Variants in CDKN2A observed in about 807,000 individuals in gnomAD.
CDKN2A encodes cyclin dependent kinase inhibitor 2A.
A neutral mutation model predicts 11.1 loss-of-function variants in CDKN2A; 3 were observed. The ratio of observed to expected loss-of-function variants is 0.27; its 90% CI spans 0.12 to 0.70. CDKN2A has a LOEUF of 0.70. Among genes scored for constraint, CDKN2A ranks in the 30% least tolerant of loss-of-function variants. CDKN2A has a pLI of 0.77. For missense variants in CDKN2A, 265 were observed against 233.6 expected (o/e 1.13, Z -0.88); for synonymous variants, 122 against 108.1 (o/e 1.13, Z -0.80).
Position 21,968,773 on chromosome 9 carries a change from T to C in CDKN2A, c.458-531A>G. ...CCCACAAATGGTTTCCGATCATTTCTGAAACAAAATGGATGCTCATTTATT... is the reference window on the plus strand; with the variant it reads ...CCCACAAATGGTTTCCGATCATTTCCGAAACAAAATGGATGCTCATTTATT... On this transcript the variant is annotated intron_variant, in intron 2 of 2. Transcript: ENST00000304494. This position sits in a 1 kb window ranked among gnomAD's most constrained non-coding sequence, Gnocchi z 4.7. The C allele has an allele frequency of 2.0e-6, 3 of 1,536,128 alleles. No individual in the cohort carries two copies. Among genetic ancestry groups the C allele is most frequent in the Non-Finnish European group, 2.6e-6 (3 of 1,146,882 alleles).
chr9:21,994,159 T>C lies in CDKN2A; in HGVS notation c.-175-106A>G. ...CCTACCTGGTCTTCTAGGAAGCGGC[T>C]GCTGCCCTAGACGCTGGCTCCTCAG... On this transcript the variant is annotated intron_variant, in intron 1 of 3. Coordinates refer to the CDKN2A transcript ENST00000494262. The C allele has an allele frequency of 6.2e-7, 1 of 1,602,626 alleles. No individual in the cohort carries two copies. The highest frequency in any genetic ancestry group is 2.2e-5 in the East Asian group (1 of 44,846).
In CDKN2A at chr9:21,985,853, AT is replaced by A. The variant is rs572227344; in HGVS notation, c.-4+8028del. Among the ~76,000 whole-genome samples the A allele has an allele frequency of 3.3e-3, 501 of 152,074 alleles. 6 individuals are homozygous for A. The highest frequency in any genetic ancestry group is 0.01 in the Middle Eastern group (3 of 294). On this transcript the variant is annotated intron_variant, in intron 2 of 3. Coordinates refer to the CDKN2A transcript ENST00000494262. The stretch of plus-strand genomic sequence containing the variant: ...ACCAGGAGTCTGAATACATAAATAT[AT>A]TTTTATTATGATATGTATATTTTTA...
At chr9:21,983,328 T>C (rs1820237687) in intron 2 of CDKN2A, among the ~76,000 whole-genome samples, 1 of 152,100 alleles carries the variant, frequency 6.6e-6, no homozygotes, top group African/African-American at 2.4e-5. Flanking sequence ...CATTTTGAAA[T>C]ACTTCTTCCT....
Position 21,988,133 on chromosome 9 carries a change from G to A in CDKN2A, c.-4+5749C>T, listed in dbSNP as rs886668506. On this transcript the variant is annotated intron_variant, in intron 2 of 3. Transcript: ENST00000494262. The surrounding 1 kb of genome is among the most constrained non-coding windows in gnomAD (Gnocchi z 4.1). ...TTTCAATTTGCTTAAGAGATTACATGTCTTTGTTCATGTAATTCTGAACCT... is the reference window on the plus strand; with the variant it reads ...TTTCAATTTGCTTAAGAGATTACATATCTTTGTTCATGTAATTCTGAACCT... Among the ~76,000 whole-genome samples, 1 of 151,900 alleles carries A rather than the reference G, an allele frequency of 6.6e-6. No individual in the cohort carries two copies. Among genetic ancestry groups the A allele is most frequent in the Non-Finnish European group, 1.5e-5 (1 of 67,924 alleles).
chr9:21,973,023 G>C (rs1401105769), intron 1 of CDKN2A, among the ~76,000 whole-genome samples: 1 of 152,070 alleles, frequency 6.6e-6, no homozygotes, highest in African/African-American at 2.4e-5. Context: ...TTTTCAAAGA[G>C]ACAAAGAGAA....
intron 1 of CDKN2A, chr9:21,994,269 C>G: frequency 1.2e-6 from 2 of 1,605,148 alleles, no homozygotes; most frequent in Non-Finnish European, 1.7e-6. Flanking sequence ...CCACGAAAAC[C>G]CTCACTCGCG....
upstream of CDKN2A, among the ~76,000 whole-genome samples, chr9:21,975,662 T>C (rs962482315): frequency 1.3e-5 from 2 of 152,160 alleles, no homozygotes; most frequent in Admixed American, 6.5e-5. Flanking sequence ...TCTGAAAAGA[T>C]GAGGTTTATT....
upstream of CDKN2A, among the ~76,000 whole-genome samples, chr9:21,977,709 T>C (rs1203829792): frequency 6.6e-6 from 1 of 152,164 alleles, no homozygotes; most frequent in African/African-American, 2.4e-5. Flanking sequence ...AAGAGTAGGC[T>C]CCTTCAAGAG....
intron 1 of CDKN2A, chr9:21,994,200 G>A (rs1210499852): frequency 6.2e-7 from 1 of 1,606,618 alleles, no homozygotes. Context: ...TCAGCACGAG[G>A]GCCACAGCGG....
Position 21,968,462 on chromosome 9 carries a change from C to A in CDKN2A, c.458-220G>T, listed in dbSNP as rs1819518383. ...GCCTGGCTGCTCCAGGCGCGCCGAC[C>A]GCTCAAGCGCTCCAGGTCCACCCGG... On this transcript the variant is annotated intron_variant, in intron 2 of 2. Transcript: ENST00000304494. This position sits in a 1 kb window ranked among gnomAD's most constrained non-coding sequence, Gnocchi z 4.7. 11 of 1,480,796 alleles carry A rather than the reference C, an allele frequency of 7.4e-6. No individual in the cohort carries two copies. Among genetic ancestry groups the A allele is most frequent in the East Asian group, 2.5e-5 (1 of 40,498 alleles). The allele number at this position is 1,480,796 out of a possible 1,614,324, so 91.7% of individuals were successfully genotyped here.
At chr9:21,984,542 C>G (rs1175996287) in intron 2 of CDKN2A, among the ~76,000 whole-genome samples, 2 of 152,004 alleles carry the variant, frequency 1.3e-5, no homozygotes, top group Non-Finnish European at 2.9e-5. Context: ...TTTTTAATTG[C>G]TAACACAAGC....
intron 1 of CDKN2A, among the ~76,000 whole-genome samples, chr9:21,971,793 A>G (rs937015111): frequency 6.6e-6 from 1 of 152,102 alleles, no homozygotes; most frequent in Admixed American, 6.5e-5. Flanking sequence ...GTGGTACAAT[A>G]TGAAGTTATG....
At position 21,974,671 on chromosome 9, in the gene CDKN2A, T is replaced by C. The variant is rs1819944276; in HGVS notation, c.150+7A>G. The C allele has an allele frequency of 1.9e-6, 3 of 1,614,034 alleles. No homozygotes were observed. In the South Asian group the frequency reaches 3.3e-5, roughly 18 times the overall value. On this transcript the variant is annotated splice_region_variant and intron_variant, in intron 1 of 2. Transcript: ENST00000304494. This position sits in a 1 kb window ranked among gnomAD's most constrained non-coding sequence, Gnocchi z 5.2. ...TCCCCTGCTCCCGCTGCAGACCCTC[T>C]ACCCACCTGGATCGGCCTCCGACCG...
chr9:21,985,004 A>C (rs931657612), intron 2 of CDKN2A, among the ~76,000 whole-genome samples: 103 of 151,966 alleles, frequency 6.8e-4, no homozygotes, highest in African/African-American at 2.3e-3. Flanking sequence ...ATTCAACTCC[A>C]CTCAAGGGAA....
At position 21,974,763 on chromosome 9, in the gene CDKN2A, C is replaced by T. The variant is rs1554656491; in HGVS notation, c.65G>A (p.Arg22Gln). Residue 22 changes from arginine (R) to glutamine (Q), a missense_variant, in exon 1 of 3, where the codon CGG (arginine) becomes CAG (glutamine). Arg to Gln is a conservative substitution (Grantham distance 43). Coordinates refer to ENST00000304494, the MANE Select transcript of CDKN2A (RefSeq NM_000077.5). The surrounding 1 kb of genome is among the most constrained non-coding windows in gnomAD (Gnocchi z 5.2). ...SADWLATAAA[R>Q]GRVEEVRALL... The stretch of plus-strand genomic sequence containing the variant: ...CGCCCGCACCTCCTCTACCCGACCC[C>T]GGGCCGCGGCCGTGGCCAGCCAGTC... 1.2e-6 allele frequency: 2 copies of T among 1,609,230 alleles called. No individual in the cohort carries two copies. Among genetic ancestry groups the T allele is most frequent in the Non-Finnish European group, 1.7e-6 (2 of 1,179,374 alleles).
At chr9:21,983,754 C>G (rs1820245057) in intron 2 of CDKN2A, among the ~76,000 whole-genome samples, 1 of 151,950 alleles carries the variant, frequency 6.6e-6, no homozygotes, top group South Asian at 2.1e-4. Context: ...TTTCTATGGC[C>G]ACAGCTACTT....
chr9:21,978,052 T>C (rs1396158896), upstream of CDKN2A, among the ~76,000 whole-genome samples: 1 of 150,126 alleles, frequency 6.7e-6, no homozygotes, highest in Non-Finnish European at 1.5e-5. Context: ...TCTGGAAGGA[T>C]TATGGCATCC....
At chr9:21,971,575 A>ATTTTTTTTTTTT (rs59981968) in intron 1 of CDKN2A, among the ~76,000 whole-genome samples, 6,932 of 110,492 alleles carry the variant, frequency 0.063, 568 homozygotes, top group African/African-American at 0.1. Context: ...AGGCCTGGAG[A>ATTTTTTTTTTTT]TTTTTTTTTT....
upstream of CDKN2A, among the ~76,000 whole-genome samples, chr9:21,979,748 TCAGA>T (rs1820130372): frequency 6.6e-6 from 1 of 152,130 alleles, no homozygotes; most frequent in African/African-American, 2.4e-5. Context: ...TGAGTAAGAC[TCAGA>T]CAGAGAAGCC....
Sources: gnomAD v4.1 joint callset for allele counts (sites outside exome capture counted in the v4.1 genomes callset) on GRCh38, gnomAD v4.1.1 for gene constraint, Gnocchi (gnomAD v3.1) non-coding constraint, MANE v1.5 for transcripts, NCBI Gene and HGNC (gene_info 2026-07-23, HGNC 2026-07-21) for gene names.